The following PPARGC1A variants were observed in gnomAD, a reference collection of about 807,000 sequenced individuals.
PPARGC1A encodes the protein peroxisome proliferator-activated receptor gamma coactivator 1-alpha.
Under a neutral mutation model 88.7 loss-of-function variants are expected in PPARGC1A, and 25 were observed. The ratio of observed to expected loss-of-function variants is 0.28; its 90% CI spans 0.21 to 0.39. PPARGC1A has a LOEUF of 0.39. PPARGC1A is among the 10% of genes least tolerant of loss of function. The pLI is 1.00. For synonymous variants in PPARGC1A, 363 were observed against 355.6 expected (o/e 1.02, Z -0.24); for missense variants, 880 against 968.7 (o/e 0.91, Z 1.22).
the PPARGC1A span, among the ~76,000 whole-genome samples, chr4:24,155,256 A>G: frequency 1.3e-5 from 2 of 152,000 alleles, no homozygotes; most frequent in Admixed American, 1.3e-4. Context: ...CTTAAGGTGC[A>G]TTTGAGAAAC....
the PPARGC1A span, among the ~76,000 whole-genome samples, chr4:24,049,308 G>GTGCATATATATA: frequency 4.3e-5 from 6 of 139,550 alleles, no homozygotes; most frequent in Non-Finnish European, 9.1e-5. Context: ...ATATATGTGT[G>GTGCATATATATA]TATATATATA....
chr4:24,172,509 C>G, the PPARGC1A span, among the ~76,000 whole-genome samples: 891 of 152,306 alleles, frequency 5.9e-3, 12 homozygotes, highest in Non-Finnish European at 7.7e-3. Flanking sequence ...TGCCACTCCT[C>G]TCTCTCTAGA....
chr4:24,208,293 G>T, the PPARGC1A span, among the ~76,000 whole-genome samples: 1 of 151,950 alleles, frequency 6.6e-6, no homozygotes, highest in African/African-American at 2.4e-5. Flanking sequence ...AAAGGGAATG[G>T]AAGGGAAGGG....
the PPARGC1A span, among the ~76,000 whole-genome samples, chr4:24,170,823 C>T: frequency 6.6e-6 from 1 of 152,182 alleles, no homozygotes; most frequent in Non-Finnish European, 1.5e-5. Flanking sequence ...TTCAGCCTCT[C>T]CTTGAGACAA....
rs3755863 is a variant in PPARGC1A, at chr4:23,813,899, C to A, written c.1584G>T (p.Thr528=). ...ACACATTGAACAATGAATAGGATTG[C>A]GTGCCATCCCAAGGGTAGCTCAGTT... ...SDKLSYPWDG[T]QSYSLFNVSP... is the part of the protein sequence containing the mutation. The change falls in exon 8 of 13, where the codon ACG becomes ACT. Residue 528 remains threonine (T), a synonymous_variant. Transcript: ENST00000264867. 5 of 1,613,510 alleles carry A rather than the reference C, an allele frequency of 3.1e-6. No individual in the cohort carries two copies. Among genetic ancestry groups the A allele is most frequent in the Admixed American group, 3.3e-5 (2 of 59,968 alleles).
chr4:23,839,789 G>A (rs950568083), intron 2 of PPARGC1A, among the ~76,000 whole-genome samples: 6 of 104,570 alleles, frequency 5.7e-5, no homozygotes, highest in Admixed American at 1.2e-4. Context: ...TACGTGGATG[G>A]TGTCAGGCAG....
intron 2 of PPARGC1A, among the ~76,000 whole-genome samples, chr4:23,864,891 GA>G (rs1711567157): frequency 6.6e-6 from 1 of 152,154 alleles, no homozygotes; most frequent in African/African-American, 2.4e-5. Flanking sequence ...CTGCAAAAAA[GA>G]GGCACCACTG....
At chr4:24,240,380 C>A in the PPARGC1A span, among the ~76,000 whole-genome samples, 1 of 152,122 alleles carries the variant, frequency 6.6e-6, no homozygotes, top group South Asian at 2.1e-4. Context: ...AGAAAAGGCA[C>A]CAATAAATAT....
chr4:24,416,561 T>C, the PPARGC1A span, among the ~76,000 whole-genome samples: 1 of 152,116 alleles, frequency 6.6e-6, no homozygotes. Flanking sequence ...AGGGATCAGG[T>C]GACTCAAGAC....
At chr4:23,957,594 A>T in the PPARGC1A span, among the ~76,000 whole-genome samples, 1 of 152,094 alleles carries the variant, frequency 6.6e-6, no homozygotes, top group African/African-American at 2.4e-5. Flanking sequence ...TCCAATGTTT[A>T]TTGAGTGCCT....
the PPARGC1A span, among the ~76,000 whole-genome samples, chr4:24,130,338 T>A: frequency 5.3e-5 from 8 of 152,112 alleles, no homozygotes; most frequent in Non-Finnish European, 1.0e-4. Flanking sequence ...AATATTCGGT[T>A]AGAAAGTGGA....
the PPARGC1A span, among the ~76,000 whole-genome samples, chr4:23,931,132 C>T: frequency 6.6e-6 from 1 of 152,182 alleles, no homozygotes; most frequent in African/African-American, 2.4e-5. Flanking sequence ...GAATTGGCTG[C>T]TGTGGTGGCC....
At chr4:23,819,871 T>C (rs1225881184) in intron 7 of PPARGC1A, among the ~76,000 whole-genome samples, 1 of 152,170 alleles carries the variant, frequency 6.6e-6, no homozygotes, top group Non-Finnish European at 1.5e-5. Flanking sequence ...TCCAGTTCTC[T>C]GATGCTATGC....
chr4:23,832,887 G>A (rs561298270), intron 2 of PPARGC1A, among the ~76,000 whole-genome samples: 13 of 140,908 alleles, frequency 9.2e-5, no homozygotes, highest in East Asian at 7.9e-4. Context: ...TGGGATTACC[G>A]GCGTGAGCTA....
intron 12 of PPARGC1A, among the ~76,000 whole-genome samples, chr4:23,797,348 T>C (rs1045204529): frequency 1.4e-5 from 2 of 142,772 alleles, no homozygotes; most frequent in Admixed American, 7.5e-5. Context: ...AAAATCTTTT[T>C]TGTAGAGACA....
chr4:24,409,246 A>T, the PPARGC1A span, among the ~76,000 whole-genome samples: 1 of 152,212 alleles, frequency 6.6e-6, no homozygotes. Context: ...TGTTATTTTA[A>T]TGTGCAGAAT....
chr4:24,077,538 A>G, the PPARGC1A span, among the ~76,000 whole-genome samples: 6 of 151,084 alleles, frequency 4.0e-5, no homozygotes, highest in South Asian at 1.0e-3. Context: ...TTCTTTGCAT[A>G]GGAACTGTTT....
the PPARGC1A span, among the ~76,000 whole-genome samples, chr4:24,333,298 C>T: frequency 1.8e-3 from 270 of 152,258 alleles, 2 homozygotes; most frequent in African/African-American, 5.9e-3. Context: ...TTTCCATCTT[C>T]CTCTCTTTCT....
the PPARGC1A span, among the ~76,000 whole-genome samples, chr4:24,098,675 A>G: frequency 4.0e-4 from 61 of 152,326 alleles, no homozygotes; most frequent in East Asian, 0.011. Context: ...AGCCATGTAG[A>G]TGCCAATTAA....
Sources: allele counts gnomAD v4.1 joint callset (sites outside exome capture counted in the v4.1 genomes callset), GRCh38; gene constraint gnomAD v4.1.1; transcripts MANE v1.5; gene names NCBI Gene and HGNC (gene_info 2026-07-23, HGNC 2026-07-21).